The following SBF2 variants were observed in gnomAD, a reference collection of about 807,000 sequenced individuals.
SBF2 encodes myotubularin-related protein 13.
Under a neutral mutation model 225.2 loss-of-function variants are expected in SBF2, and 112 were observed. The observed-to-expected ratio is 0.50, with a 90% CI of 0.43 to 0.58. The LOEUF is 0.58. Ranked by LOEUF, SBF2 falls within the 20% of genes least tolerant of loss-of-function variation. SBF2 has a pLI of 0.00. For missense variants in SBF2, 1,996 were observed against 2,206.2 expected (o/e 0.90, Z 1.91); for synonymous variants, 763 against 773.3 (o/e 0.99, Z 0.22).
At chr11:9,807,555 C>G (rs1853922505) in intron 32 of SBF2, among the ~76,000 whole-genome samples, 1 of 152,220 alleles carries the variant, frequency 6.6e-6, no homozygotes, top group Admixed American at 6.5e-5. Flanking sequence ...CCAGTGTTCT[C>G]AAGCCTGTAT....
chr11:10,011,042 T>C (rs1473956643), intron 6 of SBF2, among the ~76,000 whole-genome samples: 2 of 152,168 alleles, frequency 1.3e-5, no homozygotes, highest in East Asian at 1.9e-4. Context: ...GTTTGTCTAT[T>C]AGTGGTGTAT....
intron 3 of SBF2, 109 bp downstream of exon 3, chr11:10,042,735 G>T: frequency 9.0e-7 from 1 of 1,107,736 alleles, no homozygotes. Flanking sequence ...TGCTTCTTAT[G>T]CTAGCCCATA....
intron 2 of SBF2, among the ~76,000 whole-genome samples, chr11:10,070,177 A>T (rs979913772): frequency 6.6e-6 from 1 of 152,190 alleles, no homozygotes; most frequent in South Asian, 2.1e-4. Context: ...CCCATTTGTC[A>T]ATTTTGGCTT....
intron 6 of SBF2, among the ~76,000 whole-genome samples, chr11:10,006,491 T>A (rs1263935521): frequency 6.6e-6 from 1 of 152,186 alleles, no homozygotes; most frequent in Non-Finnish European, 1.5e-5. Flanking sequence ...TAGGGCCTCA[T>A]TCTAGCCCTT....
chr11:10,225,200 C>A (rs1448011847), intron 1 of SBF2, among the ~76,000 whole-genome samples: 1 of 151,848 alleles, frequency 6.6e-6, no homozygotes, highest in Non-Finnish European at 1.5e-5. Context: ...AATTAAGAAA[C>A]TCAACAAATC....
chr11:10,136,394 G>C (rs79135887), intron 2 of SBF2, among the ~76,000 whole-genome samples: 1 of 152,120 alleles, frequency 6.6e-6, no homozygotes, highest in South Asian at 2.1e-4. Flanking sequence ...TCACCAGAAA[G>C]ACCAAGCCAT....
intron 30 of SBF2, among the ~76,000 whole-genome samples, chr11:9,811,989 T>A (rs1854211849): frequency 6.6e-6 from 1 of 151,858 alleles, no homozygotes; most frequent in African/African-American, 2.4e-5. Context: ...AAAGTTCAAT[T>A]AAGAATATCC....
At chr11:9,898,935 T>A (rs1424299320) in intron 16 of SBF2, among the ~76,000 whole-genome samples, 2 of 151,942 alleles carry the variant, frequency 1.3e-5, no homozygotes, top group African/African-American at 2.4e-5. Context: ...TGTATTTATA[T>A]AAAGGCAGAG....
chr11:9,925,929 C>T (rs1384458864), intron 16 of SBF2, among the ~76,000 whole-genome samples: 1 of 151,638 alleles, frequency 6.6e-6, no homozygotes, highest in Non-Finnish European at 1.5e-5. Flanking sequence ...GTCAGTCTCC[C>T]CAGGCTAAAA....
intron 1 of SBF2, among the ~76,000 whole-genome samples, chr11:10,304,329 G>T (rs1297265655): frequency 1.3e-5 from 2 of 152,162 alleles, no homozygotes; most frequent in East Asian, 1.9e-4. Flanking sequence ...GGCATAATAG[G>T]ATTACAAGGA....
At chr11:9,918,755 T>G (rs1366097136) in intron 16 of SBF2, among the ~76,000 whole-genome samples, 2 of 152,014 alleles carry the variant, frequency 1.3e-5, no homozygotes, top group Non-Finnish European at 2.9e-5. Flanking sequence ...CTTTTTTTTT[T>G]TGAGACGGAG....
chr11:9,955,047 T>C (rs1435700409), intron 16 of SBF2, among the ~76,000 whole-genome samples: 1 of 152,072 alleles, frequency 6.6e-6, no homozygotes, highest in Non-Finnish European at 1.5e-5. Context: ...AGGGCTTTTC[T>C]TTTAGGGCAA....
At chr11:9,793,447 T>A (rs779011912) in intron 33 of SBF2, among the ~76,000 whole-genome samples, 3 of 152,168 alleles carry the variant, frequency 2.0e-5, no homozygotes, top group Non-Finnish European at 1.5e-5. Context: ...TGGAGTGCAC[T>A]GGTGCGATCT....
chr11:10,213,233 C>T (rs529080113), intron 1 of SBF2, among the ~76,000 whole-genome samples: 1 of 152,208 alleles, frequency 6.6e-6, no homozygotes, highest in Admixed American at 6.5e-5. Context: ...GTAGAGAACA[C>T]CCATCTTGGA....
At chr11:10,133,548 G>C (rs1452960037) in intron 2 of SBF2, among the ~76,000 whole-genome samples, 3 of 135,612 alleles carry the variant, frequency 2.2e-5, no homozygotes. Context: ...ACTGGCCTGG[G>C]TGCTAAGTCC....
chr11:9,862,377 A>G (rs1564927872), intron 17 of SBF2, among the ~76,000 whole-genome samples: 2 of 152,178 alleles, frequency 1.3e-5, no homozygotes, highest in Admixed American at 1.3e-4. Context: ...AATTGCAAAA[A>G]TGGAACTTTG....
intron 22 of SBF2, among the ~76,000 whole-genome samples, chr11:9,847,888 G>C (rs1856665562): frequency 1.3e-5 from 2 of 152,058 alleles, no homozygotes; most frequent in Admixed American, 1.3e-4. Context: ...CAGTCTACAG[G>C]GATTTAAATA....
At position 9,785,263 on chromosome 11, in the gene SBF2, T is replaced by C. The variant is rs775840320; in HGVS notation, c.5093A>G (p.Tyr1698Cys). 3 of 1,614,196 alleles carry C rather than the reference T, an allele frequency of 1.9e-6. No homozygotes were observed. Among genetic ancestry groups the C allele is most frequent in the African/African-American group, 1.3e-5 (1 of 75,036 alleles). ...PGIVSTNLPSYQKRSLLHLPD... is the reference protein window; with the variant it reads ...PGIVSTNLPSCQKRSLLHLPD... Reference sequence around the variant, plus strand: ...GAGATGTAGCAGAGACCTCTTCTGATAGGAAGGTAGGTTGGTAGACACAAT... The same window carrying C: ...GAGATGTAGCAGAGACCTCTTCTGACAGGAAGGTAGGTTGGTAGACACAAT... The change falls in exon 37 of 40, where the codon TAT (tyrosine) becomes TGT (cysteine). Residue 1698 changes from tyrosine to cysteine, a missense_variant. Transcript: ENST00000256190.
intron 16 of SBF2, among the ~76,000 whole-genome samples, chr11:9,939,158 C>A (rs113156643): frequency 6.6e-6 from 1 of 152,006 alleles, no homozygotes; most frequent in Non-Finnish European, 1.5e-5. Flanking sequence ...TGCAGTGGTG[C>A]GATCTCGGCT....
Sources: gnomAD v4.1 joint callset for allele counts (sites outside exome capture counted in the v4.1 genomes callset) on GRCh38, gnomAD v4.1.1 for gene constraint, MANE v1.5 for transcripts, NCBI Gene and HGNC (gene_info 2026-07-23, HGNC 2026-07-21) for gene names.